Variants in CBFA2T3 observed in about 807,000 individuals in gnomAD.
CBFA2T3 encodes CBFA2/RUNX1 partner transcriptional co-repressor 3.
A neutral mutation model predicts 58.6 loss-of-function variants in CBFA2T3; 31 were observed. The observed-to-expected ratio is 0.53, with a 90% CI of 0.40 to 0.71. The LOEUF (loss-of-function observed/expected upper bound fraction) is 0.71. Among genes scored for constraint, CBFA2T3 ranks in the 30% least tolerant of loss-of-function variants. The pLI, the probability that CBFA2T3 is intolerant of heterozygous loss-of-function variation, is 0.00. For synonymous variants in CBFA2T3, 531 were observed against 421.9 expected (o/e 1.26, Z -3.17); for missense variants, 1,076 against 963.1 (o/e 1.12, Z -1.55).
At chr16:88,886,166 T>G in intron 5 of CBFA2T3, 24 bp from the exon 6 acceptor site, 1 of 1,500,720 alleles carries the variant, frequency 6.7e-7, no homozygotes, top group Non-Finnish European at 8.9e-7. Context: ...AAGGAGGGCC[T>G]GGGTAGCATG....
intron 3 of CBFA2T3, among the ~76,000 whole-genome samples, chr16:88,893,342 C>T (rs1377886425): frequency 2.0e-5 from 3 of 151,758 alleles, no homozygotes; most frequent in Non-Finnish European, 2.9e-5. Context: ...GAGCAATATG[C>T]GCTGCAGGTG....
intron 1 of CBFA2T3, among the ~76,000 whole-genome samples, chr16:88,926,604 G>C (rs561504923): frequency 6.6e-6 from 1 of 152,248 alleles, no homozygotes; most frequent in African/African-American, 2.4e-5. Context: ...TCAGGACAGC[G>C]TGGGTGAGCG....
intron 1 of CBFA2T3, among the ~76,000 whole-genome samples, chr16:88,906,525 A>G (rs1970341184): frequency 6.6e-6 from 1 of 152,254 alleles, no homozygotes. Flanking sequence ...AGAGCTTCAC[A>G]GTAGACACCA....
rs546198726 is a variant in CBFA2T3, at chr16:88,881,584, G to A, written c.1204-95C>T. On this transcript the variant is annotated intron_variant, in intron 8 of 11. Transcript: ENST00000268679. ...CTCGGCCAGAGCCCCGGACAGGATG[G>A]GTGCCCGACCAGCCCACCGCCCGTG... 4.3e-5 allele frequency: 56 copies of A among 1,313,138 alleles called. No individual in the cohort carries two copies. The Admixed American group carries it at 8.6e-4, about 20-fold the overall frequency. 81.3% of individuals were successfully genotyped at this position (1,313,138 alleles called of 1,614,324 possible).
At chr16:88,917,312 C>T (rs1970769918) in intron 1 of CBFA2T3, among the ~76,000 whole-genome samples, 1 of 152,092 alleles carries the variant, frequency 6.6e-6, no homozygotes, top group African/African-American at 2.4e-5. Flanking sequence ...CTGAAGGCTG[C>T]GGAACTGGCA....
Position 88,912,018 on chromosome 16 carries a change from C to A in CBFA2T3, c.152-10362G>T, listed in dbSNP as rs563760168. ...CTTCAGCCGGCCTGGGTGCAGAGGT[C>A]CCGTCTGTCACAGAAGTGCTGCTGA... On this transcript the variant is annotated intron_variant, in intron 1 of 11. Coordinates refer to ENST00000268679, the MANE Select transcript of CBFA2T3 (RefSeq NM_005187.6). 1.7e-4 allele frequency among the ~76,000 whole-genome samples: 26 copies of A among 152,366 alleles called. No individual in the cohort carries two copies. In the East Asian group the frequency reaches 4.2e-3, roughly 25 times the overall value.
In CBFA2T3 at chr16:88,968,121, C is replaced by G. The variant is rs916337030; in HGVS notation, c.151+8536G>C. Reference sequence around the variant, plus strand: ...TTTGATGAGGAACCCCCCATACCGCCCATGCTGGGGCCCACCTGGAGGAAA... The same window carrying G: ...TTTGATGAGGAACCCCCCATACCGCGCATGCTGGGGCCCACCTGGAGGAAA... On this transcript the variant is annotated intron_variant, in intron 1 of 11. Coordinates refer to ENST00000268679, the MANE Select transcript of CBFA2T3 (RefSeq NM_005187.6). Among the ~76,000 whole-genome samples the G allele has an allele frequency of 3.3e-5, 5 of 152,348 alleles. No individual in the cohort carries two copies. The South Asian group carries it at 8.3e-4, about 25-fold the overall frequency.
At chr16:88,882,057 G>A (rs562783316) in intron 8 of CBFA2T3, among the ~76,000 whole-genome samples, 8 of 152,366 alleles carry the variant, frequency 5.3e-5, no homozygotes, top group African/African-American at 1.9e-4. Flanking sequence ...AGGGAAGCAA[G>A]GCCCGCCATG....
At chr16:88,881,570 C>T (rs1304890624) in intron 8 of CBFA2T3, 81 bp from the exon 9 acceptor site, 17 of 1,441,298 alleles carry the variant, frequency 1.2e-5, no homozygotes, top group East Asian at 1.2e-4. Flanking sequence ...TCGGCCAGAG[C>T]CCCGGACAGG....
intron 1 of CBFA2T3, among the ~76,000 whole-genome samples, chr16:88,944,198 G>A (rs1363647400): frequency 6.6e-6 from 1 of 151,918 alleles, no homozygotes; most frequent in Non-Finnish European, 1.5e-5. Flanking sequence ...TTAGCCGGGC[G>A]TGGTTGCAGG....
At chr16:88,880,620 G>A in intron 10 of CBFA2T3, 100 bp downstream of exon 10, 2 of 993,008 alleles carry the variant, frequency 2.0e-6, no homozygotes, top group Non-Finnish European at 1.5e-6. Context: ...TGAGCCCCCA[G>A]AGAGAGACAG....
chr16:88,897,066 G>A (rs1453747322), intron 3 of CBFA2T3, among the ~76,000 whole-genome samples: 1 of 152,240 alleles, frequency 6.6e-6, no homozygotes, highest in African/African-American at 2.4e-5. Context: ...TCAGAGCCTT[G>A]GTGGGGGGGT....
chr16:88,903,814 G>C (rs897132086), intron 1 of CBFA2T3, among the ~76,000 whole-genome samples: 7 of 152,160 alleles, frequency 4.6e-5, no homozygotes, highest in South Asian at 2.1e-4. Context: ...CGCCAGGCTG[G>C]CTCGGGGGAC....
intron 10 of CBFA2T3, among the ~76,000 whole-genome samples, 166 bp downstream of exon 10, chr16:88,880,553 GA>G (rs1220503366): frequency 6.6e-6 from 1 of 152,208 alleles, no homozygotes; most frequent in African/African-American, 2.4e-5. Context: ...CCCTAAGTGT[GA>G]ACCTACTCTG....
At chr16:88,911,740 C>T (rs530883982) in intron 1 of CBFA2T3, among the ~76,000 whole-genome samples, 26 of 152,380 alleles carry the variant, frequency 1.7e-4, no homozygotes, top group Admixed American at 5.2e-4. Flanking sequence ...GCTATCTGTC[C>T]GGCCACAACG....
intron 1 of CBFA2T3, among the ~76,000 whole-genome samples, chr16:88,923,106 A>C (rs1239835773): frequency 6.6e-6 from 1 of 152,156 alleles, no homozygotes; most frequent in Non-Finnish European, 1.5e-5. Flanking sequence ...CCAATTCGCC[A>C]AATGTGGAGG....
intron 5 of CBFA2T3, among the ~76,000 whole-genome samples, chr16:88,887,817 G>A (rs951557975): frequency 6.6e-6 from 1 of 152,056 alleles, no homozygotes; most frequent in African/African-American, 2.4e-5. Flanking sequence ...TCTGCCTGCA[G>A]AACTTCTGAA....
At chr16:88,889,125 G>T (rs897436823) in intron 5 of CBFA2T3, among the ~76,000 whole-genome samples, 3 of 151,804 alleles carry the variant, frequency 2.0e-5, no homozygotes, top group Non-Finnish European at 4.4e-5. Flanking sequence ...AAGACTGGGA[G>T]GGGTGGAGTC....
At position 88,916,930 on chromosome 16, in the gene CBFA2T3, C is replaced by T. The variant is rs148988015; in HGVS notation, c.152-15274G>A. 5.1e-4 allele frequency among the ~76,000 whole-genome samples: 78 copies of T among 151,742 alleles called. No individual in the cohort carries two copies. The East Asian group carries it at 0.011, about 22-fold the overall frequency. On this transcript the variant is annotated intron_variant, in intron 1 of 11. Transcript: ENST00000268679. ...CGTTGTATCAGTTACTAGACGGGCGCAGAAGCACGGATTCTTTTAGAAAAA... is the reference window on the plus strand; with the variant it reads ...CGTTGTATCAGTTACTAGACGGGCGTAGAAGCACGGATTCTTTTAGAAAAA...
Sources: gnomAD v4.1 joint callset for allele counts (sites outside exome capture counted in the v4.1 genomes callset) on GRCh38, gnomAD v4.1.1 for gene constraint, MANE v1.5 for transcripts, NCBI Gene and HGNC (gene_info 2026-07-23, HGNC 2026-07-21) for gene names.